BARD1: variants seen among roughly 807,000 people sequenced by gnomAD.
BARD1 encodes BRCA1 associated RING domain 1.
A neutral mutation model predicts 77.0 loss-of-function variants in BARD1; 73 were observed. The ratio of observed to expected loss-of-function variants is 0.95; its 90% CI spans 0.79 to 1.15. The LOEUF is 1.15. BARD1 is among the 50% of genes most tolerant of loss of function. The pLI is 0.00. For missense variants in BARD1, 993 were observed against 938.8 expected, an observed-to-expected ratio of 1.06 and a Z score of -0.75; for synonymous variants, 384 against 338.0, an observed-to-expected ratio of 1.14 and a Z score of -1.49.
intron 6 of BARD1, among the ~76,000 whole-genome samples, chr2:214,754,427 A>T (rs1241655628): frequency 6.6e-6 from 1 of 152,058 alleles, no homozygotes; most frequent in Non-Finnish European, 1.5e-5. Flanking sequence ...CCTCAAAAAA[A>T]TAAAATCTAA....
chr2:214,738,382 T>C (rs932730493), intron 9 of BARD1, among the ~76,000 whole-genome samples: 3 of 152,166 alleles, frequency 2.0e-5, no homozygotes, highest in Admixed American at 6.6e-5. Context: ...GGTAGCTCTG[T>C]CTACCTTAGC....
chr2:214,781,624 CTTCT>C, intron 3 of BARD1, 115 bp from the exon 4 acceptor site: 1 of 777,650 alleles, frequency 1.3e-6, no homozygotes, highest in Non-Finnish European at 2.1e-6. Context: ...TAATTATGTA[CTTCT>C]TTCTCAGCTC....
rs200222880 is a variant in BARD1 at position 214,750,499 on chromosome 2, A to G, written c.1677+1948T>C. 3.9e-5 allele frequency among the ~76,000 whole-genome samples: 6 copies of G among 152,270 alleles called. No individual in the cohort carries two copies. The East Asian group carries it at 7.7e-4, about 20-fold the overall frequency. On this transcript the variant is annotated intron_variant, in intron 7 of 10. Transcript: ENST00000260947. ...GGTCCTTTATGCCTCCTTGTCTCTG[A>G]GCAGCTGTTCCTTAGATTTGGGCTG...
At chr2:214,749,070 A>G (rs973958055) in intron 7 of BARD1, among the ~76,000 whole-genome samples, 3 of 152,074 alleles carry the variant, frequency 2.0e-5, no homozygotes, top group Non-Finnish European at 2.9e-5. Context: ...GTTAGACAGC[A>G]CTGGGAGGTT....
intron 3 of BARD1, 30 bp from the exon 4 acceptor site, chr2:214,781,539 T>A: frequency 6.3e-7 from 1 of 1,580,274 alleles, no homozygotes; most frequent in South Asian, 1.1e-5. Flanking sequence ...AGAAATCTGT[T>A]ACATGAAATT....
intron 7 of BARD1, 97 bp downstream of exon 7, chr2:214,752,350 G>A: frequency 1.0e-6 from 1 of 971,936 alleles, no homozygotes; most frequent in East Asian, 2.6e-5. Context: ...TTTGGTGAAT[G>A]TAAGCAATTG....
chr2:214,756,198 A>C (rs1029978251), intron 6 of BARD1, among the ~76,000 whole-genome samples: 1 of 152,184 alleles, frequency 6.6e-6, no homozygotes, highest in Non-Finnish European at 1.5e-5. Context: ...TTCTTGTGAT[A>C]GTGATTGAGT....
intron 1 of BARD1, among the ~76,000 whole-genome samples, chr2:214,804,992 G>A (rs1431985822): frequency 1.3e-5 from 2 of 151,936 alleles, no homozygotes; most frequent in Admixed American, 1.3e-4. Flanking sequence ...GAAACCCCGT[G>A]TCTACTAAAA....
intron 9 of BARD1, among the ~76,000 whole-genome samples, chr2:214,735,292 A>C (rs1692522468): frequency 6.6e-6 from 1 of 152,156 alleles, no homozygotes; most frequent in Non-Finnish European, 1.5e-5. Flanking sequence ...AAATGCAAAA[A>C]ACATGGCATC....
intron 2 of BARD1, 55 bp from the exon 3 acceptor site, chr2:214,792,500 C>T (rs2106136032): frequency 6.8e-7 from 1 of 1,473,930 alleles, no homozygotes. Context: ...GAATTTAATT[C>T]CAAAAACTAA....
rs764477334 is a variant in BARD1 at position 214,728,899 on chromosome 2, C to T, written c.2111G>A (p.Ser704Asn). 1.9e-6 allele frequency: 3 copies of T among 1,614,208 alleles called. No homozygotes were observed. Among genetic ancestry groups the T allele is most frequent in the Non-Finnish European group, 2.5e-6 (3 of 1,180,038 alleles). Residue 704 changes from serine (S) to asparagine (N), a missense_variant, in exon 11 of 11, where the codon AGT becomes AAT. Ser to Asn is a conservative substitution (Grantham distance 46, BLOSUM62 1). Transcript: ENST00000260947. ...GTCACTGTCTGGCTTGGGCTTTCTA[C>T]TGAGGATCTGGCCCCCACCTGCAGT... ...LVTAGGGQILSRKPKPDSDVT... is the reference protein window; with the variant it reads ...LVTAGGGQILNRKPKPDSDVT...
chr2:214,785,827 C>T (rs1695247963), intron 3 of BARD1, among the ~76,000 whole-genome samples: 1 of 151,962 alleles, frequency 6.6e-6, no homozygotes, highest in Admixed American at 6.6e-5. Context: ...TGATTTCATG[C>T]TGCCTGACAA....
chr2:214,764,423 G>A (rs1294965116), intron 6 of BARD1, among the ~76,000 whole-genome samples: 1 of 152,126 alleles, frequency 6.6e-6, no homozygotes, highest in Non-Finnish European at 1.5e-5. Context: ...ACCCAAATGA[G>A]AAACTGGCTA....
rs764410072 is a variant in BARD1, at chr2:214,809,447, G to C, written c.123C>G (p.Leu41=). 1.2e-6 allele frequency: 2 copies of C among 1,611,740 alleles called. No homozygotes were observed. The highest frequency in any genetic ancestry group is 1.3e-5 in the African/African-American group (1 of 75,028). ...AGCGCAGCAGCTTCTCCAGGCGGTC[G>C]AGCGCGGCGCGACTGTGGGCCCAGG... The part of the protein sequence containing the change: ...RGAWAHSRAA[L]DRLEKLLRCS... The change falls in exon 1 of 11, where the codon CTC becomes CTG. Residue 41 remains leucine (L), a synonymous_variant. Coordinates refer to ENST00000260947, the MANE Select transcript of BARD1 (RefSeq NM_000465.4).
At chr2:214,745,952 C>A (rs1693096188) in intron 7 of BARD1, 98 bp from the exon 8 acceptor site, 1 of 1,348,532 alleles carries the variant, frequency 7.4e-7, no homozygotes, top group Admixed American at 1.7e-5. Flanking sequence ...AATTTCATTA[C>A]TTAGTTTACT....
At chr2:214,753,040 A>C (rs556905368) in intron 6 of BARD1, among the ~76,000 whole-genome samples, 1 of 152,314 alleles carries the variant, frequency 6.6e-6, no homozygotes, top group South Asian at 2.1e-4. Flanking sequence ...ATTAATTTAA[A>C]CATGTGTGCA....
intron 9 of BARD1, among the ~76,000 whole-genome samples, chr2:214,742,424 T>C (rs1479027880): frequency 6.6e-6 from 1 of 152,208 alleles, no homozygotes; most frequent in Non-Finnish European, 1.5e-5. Flanking sequence ...ATTTGAAGGT[T>C]CTTGCCTTCT....
At chr2:214,776,103 C>T (rs1175673819) in intron 4 of BARD1, among the ~76,000 whole-genome samples, 1 of 152,150 alleles carries the variant, frequency 6.6e-6, no homozygotes, top group Non-Finnish European at 1.5e-5. Context: ...ATTATGTCTA[C>T]ATCACTAATA....
chr2:214,744,048 G>C (rs908652536), intron 9 of BARD1, among the ~76,000 whole-genome samples: 2 of 152,140 alleles, frequency 1.3e-5, no homozygotes, highest in Non-Finnish European at 2.9e-5. Flanking sequence ...TCAATCCACT[G>C]TTCTATGTTA....
Sources: gnomAD v4.1 joint callset for allele counts (sites outside exome capture counted in the v4.1 genomes callset) on GRCh38, gnomAD v4.1.1 for gene constraint, MANE v1.5 for transcripts, NCBI Gene and HGNC (gene_info 2026-07-23, HGNC 2026-07-21) for gene names.